BIRC6: variants seen among roughly 807,000 people sequenced by gnomAD.
BIRC6 encodes the protein baculoviral IAP repeat containing 6.
BIRC6 carries 98 observed loss-of-function variants against 503.3 expected under a neutral mutation model. The observed-to-expected ratio is 0.19, with a 90% CI of 0.17 to 0.23. BIRC6 has a LOEUF of 0.23. BIRC6 is among the 10% of genes least tolerant of loss of function. The pLI is 1.00. For missense variants in BIRC6, 5,360 were observed against 5,806.0 expected (o/e 0.92, Z 2.50); for synonymous variants, 2,240 against 2,078.7 (o/e 1.08, Z -2.11).
intron 9 of BIRC6, among the ~76,000 whole-genome samples, 185 bp from the exon 10 acceptor site, chr2:32,414,584 T>G (rs2042225693): frequency 6.6e-6 from 1 of 152,120 alleles, no homozygotes; most frequent in African/African-American, 2.4e-5. Context: ...CTAGAATCAC[T>G]TGAACCTGGG....
At chr2:32,410,570 A>G (rs1412038753) in intron 9 of BIRC6, among the ~76,000 whole-genome samples, 1 of 152,186 alleles carries the variant, frequency 6.6e-6, no homozygotes, top group African/African-American at 2.4e-5. Flanking sequence ...GATTATGGGA[A>G]ATTCTAGATA....
At chr2:32,430,437 A>C (rs898644038) in intron 11 of BIRC6, among the ~76,000 whole-genome samples, 1 of 152,118 alleles carries the variant, frequency 6.6e-6, no homozygotes, top group Non-Finnish European at 1.5e-5. Context: ...TTAGTGTTTT[A>C]TTCATATGTT....
At chr2:32,452,670 A>G (rs1156655711) in intron 22 of BIRC6, among the ~76,000 whole-genome samples, 1 of 152,110 alleles carries the variant, frequency 6.6e-6, no homozygotes, top group African/African-American at 2.4e-5. Flanking sequence ...TTGTTAGAGA[A>G]GCATTTTATT....
intron 41 of BIRC6, 140 bp from the exon 42 acceptor site, chr2:32,488,448 A>G: frequency 3.5e-6 from 2 of 574,056 alleles, no homozygotes; most frequent in East Asian, 7.0e-5. Flanking sequence ...TAACTAGAAG[A>G]TGCTTTTAAG....
Position 32,493,696 on chromosome 2 carries a change from G to C in BIRC6, c.8468+29G>C, listed in dbSNP as rs548482674. On this transcript the variant is annotated intron_variant, in intron 45 of 73. Transcript: ENST00000421745. ...AATTTTTGTGTACTAATTTGTTCCTGATATAGAAGTAACATGTAATTCTCC... is the reference window on the plus strand; with the variant it reads ...AATTTTTGTGTACTAATTTGTTCCTCATATAGAAGTAACATGTAATTCTCC... The C allele has an allele frequency of 1.1e-5, 16 of 1,510,522 alleles. No individual in the cohort carries two copies. The South Asian group carries it at 1.7e-4, about 16-fold the overall frequency. 93.6% of individuals were successfully genotyped at this position (1,510,522 alleles called of 1,614,324 possible). A position where few individuals can be genotyped will look rare whatever the true frequency, so the allele number is the denominator to read the frequency against.
chr2:32,412,891 TTTGATA>T (rs1336180847), intron 9 of BIRC6, among the ~76,000 whole-genome samples: 1 of 152,222 alleles, frequency 6.6e-6, no homozygotes, highest in Non-Finnish European at 1.5e-5. Flanking sequence ...ATTCTGTTAC[TTTGATA>T]TTAATTTAAA....
chr2:32,443,389 A>G (rs1168468709), intron 19 of BIRC6, 102 bp from the exon 20 acceptor site: 5 of 740,432 alleles, frequency 6.8e-6, no homozygotes, highest in Non-Finnish European at 1.1e-5. Flanking sequence ...TTTAATCGGT[A>G]TAGAATACAT....
chr2:32,393,605 C>T (rs2039515675), intron 5 of BIRC6, among the ~76,000 whole-genome samples: 1 of 152,182 alleles, frequency 6.6e-6, no homozygotes, highest in South Asian at 2.1e-4. Flanking sequence ...CAGCTCACTG[C>T]AGCCTCAGCT....
intron 3 of BIRC6, among the ~76,000 whole-genome samples, chr2:32,388,391 A>AG (rs895186359): frequency 6.6e-6 from 1 of 151,890 alleles, no homozygotes; most frequent in African/African-American, 2.4e-5. Context: ...AAAAAAAAAA[A>AG]AAAAAAGAAA....
chr2:32,442,951 G>A (rs2045579932), intron 19 of BIRC6, among the ~76,000 whole-genome samples: 1 of 152,032 alleles, frequency 6.6e-6, no homozygotes, highest in African/African-American at 2.4e-5. Context: ...CTAGTACTGA[G>A]CCATATATAT....
rs778194980 is a variant in BIRC6, at chr2:32,401,584, C to A, written c.1379C>A (p.Ser460Tyr). The change falls in exon 8 of 74, where the codon TCC becomes TAC. Residue 460 changes from serine to tyrosine, a missense_variant. By Grantham distance (144) the Ser-to-Tyr change is moderately radical (BLOSUM62 -2). Around this residue, in one of 16 missense-constraint regions of BIRC6, gnomAD observed 700 missense variants for 739.3 expected, o/e 0.95. Coordinates refer to ENST00000421745, the MANE Select transcript of BIRC6 (RefSeq NM_016252.4). Reference protein sequence around the residue: ...RRPTLAWLEDSSSCSDIPKLE... With the variant: ...RRPTLAWLEDYSSCSDIPKLE... ...CCAACTTTGGCGTGGCTGGAGGACT[C>A]CTCTAGTTGCTCAGATATACCAAAA... 14 of 1,613,740 alleles carry A rather than the reference C, an allele frequency of 8.7e-6. No individual in the cohort carries two copies. The highest frequency in any genetic ancestry group is 2.5e-6 in the Non-Finnish European group (3 of 1,179,852).
chr2:32,536,856 T>C (rs139801078), intron 61 of BIRC6, among the ~76,000 whole-genome samples: 95 of 152,312 alleles, frequency 6.2e-4, no homozygotes, highest in African/African-American at 2.2e-3. Context: ...TTGGGTAGTA[T>C]AGCCATTTTC....
intron 8 of BIRC6, among the ~76,000 whole-genome samples, chr2:32,405,463 A>G (rs2041094049): frequency 6.6e-6 from 1 of 152,222 alleles, no homozygotes. Context: ...GGAGTGCAGT[A>G]ATATCCTTAA....
At chr2:32,380,506 C>G (rs1159879895) in intron 3 of BIRC6, among the ~76,000 whole-genome samples, 1 of 152,114 alleles carries the variant, frequency 6.6e-6, no homozygotes, top group African/African-American at 2.4e-5. Context: ...GCGGGCAGAT[C>G]ACCTGAGGTC....
intron 22 of BIRC6, among the ~76,000 whole-genome samples, 162 bp from the exon 23 acceptor site, chr2:32,453,646 T>G (rs2046943222): frequency 6.6e-6 from 1 of 152,208 alleles, no homozygotes; most frequent in Admixed American, 6.5e-5. Context: ...GCCTGCTGTT[T>G]TGTCAGTTTT....
chr2:32,515,567 C>T lies in BIRC6; in HGVS notation c.11146C>T (p.Leu3716=). Residue 3716 remains leucine (L), a synonymous_variant, in exon 55 of 74, where the codon CTG becomes TTG. Coordinates refer to ENST00000421745, the MANE Select transcript of BIRC6 (RefSeq NM_016252.4). The part of the protein sequence containing the change: ...SEVNPLWTAL[L]FLLCHSGSTS... Reference sequence around the variant, plus strand: ...AGTCAATCCACTATGGACAGCACTTCTGTTTTTATTGTGTCACTCTGGGTC... The same window carrying T: ...AGTCAATCCACTATGGACAGCACTTTTGTTTTTATTGTGTCACTCTGGGTC... The T allele has an allele frequency of 6.2e-7, 1 of 1,613,950 alleles. No individual in the cohort carries two copies. Among genetic ancestry groups the T allele is most frequent in the Non-Finnish European group, 8.5e-7 (1 of 1,179,886 alleles).
At position 32,415,688 on chromosome 2, in the gene BIRC6, C is replaced by G; in HGVS notation, c.2397C>G (p.Ile799Met). 3.1e-6 allele frequency: 5 copies of G among 1,613,820 alleles called. No individual in the cohort carries two copies. In the South Asian group the frequency reaches 5.5e-5, roughly 18 times the overall value. ...TGAATGGTGCAAATATTAGTGTAATCCAACATGAATCACCAGCAGATGTAC... is the reference window on the plus strand; with the variant it reads ...TGAATGGTGCAAATATTAGTGTAATGCAACATGAATCACCAGCAGATGTAC... ...AVVNGANISVIQHESPADVQT... is the reference protein window; with the variant it reads ...AVVNGANISVMQHESPADVQT... Residue 799 changes from isoleucine (I) to methionine (M), a missense_variant, in exon 10 of 74, where the codon ATC becomes ATG. Ile to Met is a conservative substitution (Grantham distance 10). This residue lies in a region of BIRC6 where 700 missense variants were observed against 739.3 expected (regional missense o/e 0.95). Coordinates refer to ENST00000421745, the MANE Select transcript of BIRC6 (RefSeq NM_016252.4).
intron 45 of BIRC6, among the ~76,000 whole-genome samples, chr2:32,499,263 A>G (rs1180297121): frequency 2.6e-5 from 4 of 152,232 alleles, no homozygotes; most frequent in African/African-American, 7.2e-5. Flanking sequence ...TTTTGTCTGT[A>G]GCTTCAAAAT....
At chr2:32,411,286 G>A (rs978379297) in intron 9 of BIRC6, among the ~76,000 whole-genome samples, 2 of 149,172 alleles carry the variant, frequency 1.3e-5, no homozygotes, top group East Asian at 2.0e-4. Context: ...TGATCCACCC[G>A]CCTCACCCTG....
Sources: gnomAD v4.1 joint callset for allele counts (sites outside exome capture counted in the v4.1 genomes callset) on GRCh38, gnomAD v4.1.1 for gene constraint, gnomAD v4.1.1 regional missense constraint, MANE v1.5 for transcripts, NCBI Gene and HGNC (gene_info 2026-07-23, HGNC 2026-07-21) for gene names.